Variants in DLGAP2 observed in about 807,000 individuals in gnomAD.
The protein encoded by DLGAP2 is disks large-associated protein 2.
A neutral mutation model predicts 100.3 loss-of-function variants in DLGAP2; 26 were observed. The observed-to-expected ratio is 0.26, with a 90% CI of 0.19 to 0.36. The LOEUF is 0.36. DLGAP2 is among the 10% of genes least tolerant of loss of function. The pLI is 1.00. For synonymous variants in DLGAP2, 886 were observed against 630.1 expected, an observed-to-expected ratio of 1.41 and a Z score of -6.08; for missense variants, 1,858 against 1,453.2, an observed-to-expected ratio of 1.28 and a Z score of -4.53.
At chr8:1,349,689 T>C (rs148622900) in intron 3 of DLGAP2, among the ~76,000 whole-genome samples, 5 of 57,788 alleles carry the variant, frequency 8.7e-5, no homozygotes, top group Non-Finnish European at 1.2e-4. Flanking sequence ...ATGAGCCTCC[T>C]GCCCACATCC....
chr8:1,478,389 CAG>C (rs1434440170), intron 3 of DLGAP2, among the ~76,000 whole-genome samples: 1 of 152,214 alleles, frequency 6.6e-6, no homozygotes, highest in Non-Finnish European at 1.5e-5. Flanking sequence ...CATATTTTCT[CAG>C]AGTTTCCATG....
intron 3 of DLGAP2, among the ~76,000 whole-genome samples, chr8:1,450,693 G>A (rs1172842455): frequency 6.6e-6 from 1 of 152,014 alleles, no homozygotes; most frequent in Non-Finnish European, 1.5e-5. Flanking sequence ...AATGGCCTAT[G>A]TCCCCAGGGC....
At chr8:1,564,534 G>A (rs1362285607) in intron 5 of DLGAP2, among the ~76,000 whole-genome samples, 6 of 152,154 alleles carry the variant, frequency 3.9e-5, no homozygotes, top group African/African-American at 1.2e-4. Context: ...TCAGCTCTGT[G>A]CAAGGCAGAT....
At chr8:1,064,651 C>T (rs181217365) in intron 2 of DLGAP2, among the ~76,000 whole-genome samples, 21 of 152,322 alleles carry the variant, frequency 1.4e-4, no homozygotes, top group African/African-American at 4.6e-4. Context: ...GTAAATTTGA[C>T]ATTCTCTAAA....
At chr8:876,081 T>C (rs967890236) in intron 1 of DLGAP2, among the ~76,000 whole-genome samples, 2 of 152,364 alleles carry the variant, frequency 1.3e-5, no homozygotes, top group East Asian at 3.9e-4. Context: ...TTGACAAATA[T>C]GTTACACATA....
chr8:1,618,301 C>T (rs1225126618), intron 6 of DLGAP2, among the ~76,000 whole-genome samples: 2 of 152,208 alleles, frequency 1.3e-5, no homozygotes, highest in South Asian at 4.1e-4. Context: ...AAATCAATTG[C>T]ATTTCTGTAG....
At chr8:864,460 C>A (rs561754533) in intron 1 of DLGAP2, among the ~76,000 whole-genome samples, 10 of 152,294 alleles carry the variant, frequency 6.6e-5, no homozygotes, top group African/African-American at 2.4e-4. Context: ...ATAAGTACAA[C>A]TATTGTGAGT....
intron 1 of DLGAP2, among the ~76,000 whole-genome samples, chr8:846,658 G>C (rs754236722): frequency 3.9e-5 from 6 of 152,174 alleles, no homozygotes; most frequent in Non-Finnish European, 8.8e-5. Context: ...CCAGTAGCAG[G>C]ATTGCTGGAT....
intron 1 of DLGAP2, among the ~76,000 whole-genome samples, chr8:824,998 T>C (rs1796660215): frequency 6.6e-6 from 1 of 152,124 alleles, no homozygotes; most frequent in Non-Finnish European, 1.5e-5. Context: ...AGCGATGTCT[T>C]CTGGCTGCAG....
At chr8:1,553,901 T>C (rs1327552099) in intron 5 of DLGAP2, among the ~76,000 whole-genome samples, 2 of 152,176 alleles carry the variant, frequency 1.3e-5, no homozygotes, top group African/African-American at 2.4e-5. Context: ...GGTCAACAGG[T>C]CATCCTTGCG....
rs535571884 is a variant in DLGAP2 at position 1,361,739 on chromosome 8, G to A, written c.106+102856G>A. Reference sequence around the variant, plus strand: ...GGTAACTGAGCTATGAGGAAGCTGCGAGTGAGTCGGAAATTTGTACAAAAA... The same window carrying A: ...GGTAACTGAGCTATGAGGAAGCTGCAAGTGAGTCGGAAATTTGTACAAAAA... On this transcript the variant is annotated intron_variant, in intron 3 of 14. Transcript: ENST00000637795. Among the ~76,000 whole-genome samples, 19 of 152,344 alleles carry A rather than the reference G, an allele frequency of 1.2e-4. No homozygotes were observed. The South Asian group carries it at 3.7e-3, about 30-fold the overall frequency.
intron 3 of DLGAP2, among the ~76,000 whole-genome samples, chr8:1,295,713 A>G (rs1452633443): frequency 6.6e-6 from 1 of 152,140 alleles, no homozygotes; most frequent in Non-Finnish European, 1.5e-5. Context: ...TCCGGGCCCC[A>G]GTCTCTCTGT....
At chr8:974,077 A>T (rs1030986166) in intron 2 of DLGAP2, among the ~76,000 whole-genome samples, 2 of 152,188 alleles carry the variant, frequency 1.3e-5, no homozygotes, top group African/African-American at 4.8e-5. Flanking sequence ...AAGAGAAGAA[A>T]GAAAGAAAAG....
intron 2 of DLGAP2, among the ~76,000 whole-genome samples, chr8:956,123 A>G (rs762287615): frequency 6.6e-6 from 1 of 152,246 alleles, no homozygotes; most frequent in Non-Finnish European, 1.5e-5. Flanking sequence ...AGCACATTGT[A>G]TAAAGCAAGC....
chr8:1,089,158 C>T (rs1364948530), intron 2 of DLGAP2, among the ~76,000 whole-genome samples: 3 of 145,926 alleles, frequency 2.1e-5, no homozygotes, highest in South Asian at 2.2e-4. Flanking sequence ...AATTCTCGCT[C>T]CCCGGCCTCA....
chr8:1,438,152 C>T (rs1392041427), intron 3 of DLGAP2, among the ~76,000 whole-genome samples: 1 of 152,166 alleles, frequency 6.6e-6, no homozygotes, highest in Non-Finnish European at 1.5e-5. Context: ...GAAGTGCTCC[C>T]ATCGTGTGGG....
chr8:1,368,952 C>G (rs75885120), intron 3 of DLGAP2: 1 of 152,178 alleles, frequency 6.6e-6, no homozygotes, highest in African/African-American at 2.4e-5. Flanking sequence ...CTGTGCCAAA[C>G]GCAGGTCCTC....
At chr8:1,684,060 C>T (rs1191417559) in intron 12 of DLGAP2, among the ~76,000 whole-genome samples, 1 of 148,402 alleles carries the variant, frequency 6.7e-6, no homozygotes, top group African/African-American at 2.5e-5. Context: ...CAGCTCACTG[C>T]AACCTCTGCC....
At chr8:1,489,716 C>G (rs141957305) in intron 3 of DLGAP2, among the ~76,000 whole-genome samples, 1,538 of 152,318 alleles carry the variant, frequency 0.01, 25 homozygotes, top group African/African-American at 0.033. Context: ...TGCCAGCAGA[C>G]ATTTTCCAAA....
Sources: allele counts gnomAD v4.1 joint callset (sites outside exome capture counted in the v4.1 genomes callset), GRCh38; gene constraint gnomAD v4.1.1; transcripts MANE v1.5; gene names NCBI Gene and HGNC (gene_info 2026-07-23, HGNC 2026-07-21).